Variants in APOOL observed in about 807,000 individuals in gnomAD.
APOOL encodes MICOS complex subunit MIC27.
APOOL carries 12 observed loss-of-function variants against 23.1 expected under a neutral mutation model. The ratio of observed to expected loss-of-function variants is 0.52; its 90% CI spans 0.33 to 0.84. APOOL has a LOEUF of 0.84. APOOL is among the 40% of genes least tolerant of loss of function. The probability of loss-of-function intolerance (pLI) is 0.02; values close to 1 mark genes in which losing one functional copy is unlikely to be tolerated. For synonymous variants in APOOL, 77 were observed against 69.9 expected, an observed-to-expected ratio of 1.10 and a Z score of -0.51; for missense variants, 212 against 199.6, an observed-to-expected ratio of 1.06 and a Z score of -0.37.
chrX:85,006,626 T>G (rs1469812492), intron 1 of APOOL, among the ~76,000 whole-genome samples: 4 of 109,509 alleles, frequency 3.7e-5, no homozygotes, highest in African/African-American at 1.3e-4. Context: ...CAAGGGAAAA[T>G]GTACCAGGAG....
At chrX:85,077,393 T>G (rs1923899353) in intron 8 of APOOL, among the ~76,000 whole-genome samples, 1 of 109,793 alleles carries the variant, frequency 9.1e-6, no homozygotes, top group Admixed American at 9.9e-5. Context: ...CTGCTCAGAA[T>G]GATGGTTTCC....
intron 1 of APOOL, among the ~76,000 whole-genome samples, chrX:85,008,321 C>T (rs956351925): frequency 7.2e-5 from 8 of 111,320 alleles, no homozygotes; most frequent in Non-Finnish European, 1.5e-4. Flanking sequence ...ACCTCCCAAC[C>T]TCTCGCCTTT....
chrX:85,030,049 T>A (rs1454676663), intron 1 of APOOL, among the ~76,000 whole-genome samples: 2 of 112,105 alleles, frequency 1.8e-5, no homozygotes, highest in African/African-American at 6.5e-5. Flanking sequence ...GAAAAAGACA[T>A]GCACATGCAT....
intron 1 of APOOL, among the ~76,000 whole-genome samples, chrX:85,016,292 A>C (rs763179992): frequency 8.5e-5 from 9 of 106,161 alleles, no homozygotes; most frequent in Non-Finnish European, 1.6e-4. Flanking sequence ...CTGTGGGCCA[A>C]GGTCCCAACC....
At chrX:85,054,894 T>C (rs2147649149) in intron 4 of APOOL, among the ~76,000 whole-genome samples, 1 of 111,967 alleles carries the variant, frequency 8.9e-6, no homozygotes, top group African/African-American at 3.2e-5. Context: ...TGTATTTTGC[T>C]GTCAATTGCT....
At chrX:85,069,943 A>G (rs1234600572) in intron 6 of APOOL, among the ~76,000 whole-genome samples, 1 of 111,534 alleles carries the variant, frequency 9.0e-6, no homozygotes, top group Non-Finnish European at 1.9e-5. Flanking sequence ...ATTTTCCTAG[A>G]AACAATAATT....
chrX:85,020,862 A>G (rs1921639585), intron 1 of APOOL, among the ~76,000 whole-genome samples: 1 of 111,630 alleles, frequency 9.0e-6, no homozygotes, highest in African/African-American at 3.3e-5. Flanking sequence ...TCTAGCCCCA[A>G]GCTCCAGGCC....
intron 5 of APOOL, among the ~76,000 whole-genome samples, chrX:85,058,461 A>G (rs1427511080): frequency 1.8e-5 from 2 of 111,278 alleles, no homozygotes; most frequent in African/African-American, 6.5e-5. Flanking sequence ...CATTTTCTTT[A>G]TCCAGTCTAT....
In APOOL at chrX:85,090,073, C is replaced by T. The variant is rs962172693; in HGVS notation, c.*2395C>T. 3 of 110,710 alleles carry T rather than the reference C, an allele frequency of 2.7e-5. No individual in the cohort carries two copies. The highest frequency in any genetic ancestry group is 5.7e-5 in the Non-Finnish European group (3 of 52,995). 9.1% of individuals were successfully genotyped at this position (110,710 alleles called of 1,213,427 possible). Reference sequence around the variant, plus strand: ...CAAGGACGTAGACTTTTTCTCTTTCCACTCTGTCCTCTACAGCATGCTGGT... The same window carrying T: ...CAAGGACGTAGACTTTTTCTCTTTCTACTCTGTCCTCTACAGCATGCTGGT... On this transcript the variant is annotated 3_prime_UTR_variant, in exon 9 of 9. Transcript: ENST00000373173.
chrX:85,079,074 C>T (rs1051108595), intron 8 of APOOL, among the ~76,000 whole-genome samples: 13 of 111,219 alleles, frequency 1.2e-4, no homozygotes, highest in African/African-American at 4.3e-4. Flanking sequence ...TAATTGAATA[C>T]CCTTTATTTC....
chrX:85,066,473 G>T (rs1923462128), intron 5 of APOOL, among the ~76,000 whole-genome samples: 1 of 111,119 alleles, frequency 9.0e-6, no homozygotes, highest in African/African-American at 3.3e-5. Context: ...AGTTCCTAGG[G>T]AGATTCTATT....
chrX:85,037,821 G>T (rs917333986), intron 1 of APOOL, among the ~76,000 whole-genome samples: 4 of 111,160 alleles, frequency 3.6e-5, no homozygotes, highest in Non-Finnish European at 7.6e-5. Flanking sequence ...ATATACAAAC[G>T]TCAACTCAAG....
At chrX:85,040,209 A>G (rs1287780528) in intron 1 of APOOL, among the ~76,000 whole-genome samples, 4 of 112,045 alleles carry the variant, frequency 3.6e-5, no homozygotes, top group Non-Finnish European at 7.5e-5. Context: ...TTTATTTAAG[A>G]ATGCTGCATA....
At chrX:85,043,036 T>C (rs1922451354) in intron 1 of APOOL, among the ~76,000 whole-genome samples, 1 of 111,397 alleles carries the variant, frequency 9.0e-6, no homozygotes, top group Non-Finnish European at 1.9e-5. Flanking sequence ...ATCAGCTATA[T>C]TTTTATTGCA....
intron 5 of APOOL, among the ~76,000 whole-genome samples, chrX:85,065,996 G>A (rs777992941): frequency 5.9e-4 from 66 of 111,213 alleles, no homozygotes; most frequent in South Asian, 1.5e-3. Context: ...GTCCATTCTA[G>A]ACATGACTAT....
chrX:85,069,859 T>G (rs1923604807), intron 6 of APOOL, among the ~76,000 whole-genome samples: 1 of 111,322 alleles, frequency 9.0e-6, no homozygotes, highest in Non-Finnish European at 1.9e-5. Flanking sequence ...TATAATTGTC[T>G]TGCTCACCTC....
chrX:85,056,334 A>G (rs1036359030), intron 5 of APOOL, among the ~76,000 whole-genome samples: 1 of 111,938 alleles, frequency 8.9e-6, no homozygotes, highest in Non-Finnish European at 1.9e-5. Flanking sequence ...TTTTTACATT[A>G]AGATAAAACT....
chrX:85,067,627 AACACACACACACACACAC>A (rs758966009), intron 6 of APOOL, among the ~76,000 whole-genome samples: 2 of 90,396 alleles, frequency 2.2e-5, no homozygotes, highest in African/African-American at 8.3e-5. Flanking sequence ...CTGAAGGTAA[AACACACACACACACACAC>A]ACACACACAC....
At chrX:85,080,089 T>TCC (rs1924032688) in intron 8 of APOOL, among the ~76,000 whole-genome samples, 7 of 111,755 alleles carry the variant, frequency 6.3e-5, no homozygotes, top group African/African-American at 9.8e-5. Context: ...TCTCTATCTT[T>TCC]TTCAGTTTTG....
Sources: allele counts gnomAD v4.1 joint callset (sites outside exome capture counted in the v4.1 genomes callset), GRCh38; gene constraint gnomAD v4.1.1; transcripts MANE v1.5; gene names NCBI Gene and HGNC (gene_info 2026-07-23, HGNC 2026-07-21).